PRKDC: variants seen among roughly 807,000 people sequenced by gnomAD.
PRKDC encodes the protein DNA-dependent protein kinase catalytic subunit.
PRKDC carries 82 observed loss-of-function variants against 486.9 expected under a neutral mutation model. The observed-to-expected ratio is 0.17, with a 90% CI of 0.14 to 0.20. PRKDC has a LOEUF of 0.20. Among genes scored for constraint, PRKDC ranks in the 10% least tolerant of loss-of-function variants. The pLI is 1.00. For missense variants in PRKDC, 4,504 were observed against 5,038.2 expected, an observed-to-expected ratio of 0.89 and a Z score of 3.21; for synonymous variants, 1,895 against 1,837.0, an observed-to-expected ratio of 1.03 and a Z score of -0.81.
chr8:47,794,250 T>C (rs2086938605), intron 74 of PRKDC, 40 bp downstream of exon 74: 3 of 1,507,720 alleles, frequency 2.0e-6, no homozygotes, highest in African/African-American at 2.8e-5. Context: ...TTATAACCTA[T>C]AGTATTTGAT....
chr8:47,933,442 C>A (rs2154503677), intron 15 of PRKDC, among the ~76,000 whole-genome samples: 1 of 152,270 alleles, frequency 6.6e-6, no homozygotes, highest in East Asian at 1.9e-4. Context: ...AAGATTTAGG[C>A]CAATCCTTGT....
chr8:47,778,446 ACAG>A lies in PRKDC; in HGVS notation c.11853+10_11853+12del. Reference sequence around the variant, plus strand: ...TCGCCTTGCCCAGGATCACGAGAGCACAGCAAGTGCACCTGTGTAGCGGATCCA... The same window carrying A: ...TCGCCTTGCCCAGGATCACGAGAGCACAAGTGCACCTGTGTAGCGGATCCA... On this transcript the variant is annotated intron_variant, in intron 83 of 85. Transcript: ENST00000314191. 6.2e-7 allele frequency: 1 copy of A among 1,609,624 alleles called. No individual in the cohort carries two copies. The highest frequency in any genetic ancestry group is 8.5e-7 in the Non-Finnish European group (1 of 1,178,100).
rs756747218 is a variant in PRKDC at position 47,913,918 on chromosome 8, T to C, written c.2764A>G (p.Ser922Gly). Residue 922 changes from serine (S) to glycine (G), a missense_variant, in exon 24 of 86, where the codon AGT (serine) becomes GGT (glycine). Ser to Gly is a moderately conservative substitution (Grantham distance 56). Around this residue, in one of 6 missense-constraint regions of PRKDC, gnomAD observed 1,969 missense variants for 2,068.9 expected, o/e 0.95. Transcript: ENST00000314191. ...AGAAGTACTTTAGTTTGTCTGTCAC[T>C]GGCTGTGAGCGCTAATTCTGTGACT... The part of the protein sequence containing the change: ...PRVTELALTA[S>G]DRQTKVAACE... 1.2e-6 allele frequency: 2 copies of C among 1,607,184 alleles called. No homozygotes were observed. The highest frequency in any genetic ancestry group is 8.5e-7 in the Non-Finnish European group (1 of 1,177,328).
At chr8:47,843,186 A>G (rs1355104272) in intron 54 of PRKDC, among the ~76,000 whole-genome samples, 2 of 152,162 alleles carry the variant, frequency 1.3e-5, no homozygotes, top group Non-Finnish European at 2.9e-5. Flanking sequence ...ACAAAGGAAA[A>G]GAAAAGAAAA....
At position 47,933,082 on chromosome 8, in the gene PRKDC, C is replaced by T. The variant is rs1184535587; in HGVS notation, c.1714G>A (p.Val572Ile). 9 of 1,590,548 alleles carry T rather than the reference C, an allele frequency of 5.7e-6. No homozygotes were observed. The highest frequency in any genetic ancestry group is 2.3e-5 in the South Asian group (2 of 85,488). Residue 572 changes from valine to isoleucine, a missense_variant, in exon 16 of 86, where the codon GTT becomes ATT. Around this residue, in one of 6 missense-constraint regions of PRKDC, gnomAD observed 1,969 missense variants for 2,068.9 expected, o/e 0.95. Coordinates refer to ENST00000314191, the MANE Select transcript of PRKDC (RefSeq NM_006904.7). ...HLLYDEFVKS[V>I]LKIVEKLDLT... is the part of the protein sequence containing the mutation. The stretch of plus-strand genomic sequence containing the variant: ...TCCAATTTCTCAACAATCTTCAAAA[C>T]GGATTTTACAAATTCATCATAAAGT...
At chr8:47,807,627 C>G (rs1446001228) in intron 68 of PRKDC, among the ~76,000 whole-genome samples, 1 of 151,428 alleles carries the variant, frequency 6.6e-6, no homozygotes, top group East Asian at 1.9e-4. Context: ...ACTGTGTTAG[C>G]CAGGATGGTC....
intron 31 of PRKDC, 90 bp downstream of exon 31, chr8:47,893,049 C>G: frequency 7.0e-7 from 1 of 1,425,654 alleles, no homozygotes; most frequent in Non-Finnish European, 9.3e-7. Context: ...CACCTACCAT[C>G]ATGTCGCTGG....
At chr8:47,793,683 T>TAAAAA (rs397892514) in intron 74 of PRKDC, among the ~76,000 whole-genome samples, 14 of 72,806 alleles carry the variant, frequency 1.9e-4, no homozygotes, top group Non-Finnish European at 3.2e-4. Flanking sequence ...TTAAAAAAAC[T>TAAAAA]AAAAAAAAAA....
Position 47,826,676 on chromosome 8 carries a change from G to C in PRKDC, c.8763C>G (p.Leu2921=), listed in dbSNP as rs1281176416. The change falls in exon 63 of 86, where the codon CTC becomes CTG. Residue 2921 remains leucine, a synonymous_variant. Transcript: ENST00000314191. ...CTTACTTAGCAAGCTCCACCCATCTGAGGACATCAGGAGGGAGGCGGGCCT... is the reference window on the plus strand; with the variant it reads ...CTTACTTAGCAAGCTCCACCCATCTCAGGACATCAGGAGGGAGGCGGGCCT... ...RGKARLPPDV[L]RWVELAKLYR... The C allele has an allele frequency of 6.2e-7, 1 of 1,612,306 alleles. No individual in the cohort carries two copies. Among genetic ancestry groups the C allele is most frequent in the African/African-American group, 1.3e-5 (1 of 74,896 alleles).
chr8:47,884,258 G>T (rs1237511079), intron 36 of PRKDC, among the ~76,000 whole-genome samples: 4 of 152,218 alleles, frequency 2.6e-5, no homozygotes, highest in Non-Finnish European at 4.4e-5. Flanking sequence ...AGGCTGCCCT[G>T]CAGGGGAGAG....
chr8:47,922,533 T>G (rs1288722675), intron 21 of PRKDC, among the ~76,000 whole-genome samples: 1 of 151,668 alleles, frequency 6.6e-6, no homozygotes, highest in Non-Finnish European at 1.5e-5. Context: ...CTCGAACTCC[T>G]GGCCTTAAGT....
intron 25 of PRKDC, among the ~76,000 whole-genome samples, chr8:47,907,551 T>C (rs2154502611): frequency 6.8e-6 from 1 of 147,992 alleles, no homozygotes; most frequent in African/African-American, 2.5e-5. Context: ...TTTTTTTTTT[T>C]TGAGACAGAG....
At position 47,864,665 on chromosome 8, in the gene PRKDC, T is replaced by C; in HGVS notation, c.5462A>G (p.Asp1821Gly). The C allele has an allele frequency of 6.2e-7, 1 of 1,608,744 alleles. No individual in the cohort carries two copies. Among genetic ancestry groups the C allele is most frequent in the Non-Finnish European group, 8.5e-7 (1 of 1,177,622 alleles). ...CCACAGCAGAGTGAGGAGGGAGCGG[T>C]CCACAAAGGACTGGCGTGTGAAACT... ...RLSFTRQSFV[D>G]RSLLTLLWHC... is the part of the protein sequence containing the mutation. Residue 1821 changes from aspartate (D) to glycine (G), a missense_variant, in exon 41 of 86, where the codon GAC becomes GGC. Around this residue, in one of 6 missense-constraint regions of PRKDC, gnomAD observed 1,969 missense variants for 2,068.9 expected, o/e 0.95. Transcript: ENST00000314191.
At chr8:47,907,411 TACACACACAC>T (rs746467406) in intron 25 of PRKDC, among the ~76,000 whole-genome samples, 11 of 148,938 alleles carry the variant, frequency 7.4e-5, no homozygotes, top group South Asian at 6.4e-4. Context: ...TATATATATA[TACACACACAC>T]ACACACACAC....
intron 41 of PRKDC, 119 bp downstream of exon 41, chr8:47,864,437 C>T (rs532881230): frequency 4.4e-5 from 39 of 879,620 alleles, no homozygotes; most frequent in Non-Finnish European, 6.7e-5. Flanking sequence ...TAGCCACAGA[C>T]TGTTATGTGG....
At chr8:47,831,595 C>T (rs1371492513) in intron 60 of PRKDC, among the ~76,000 whole-genome samples, 1 of 152,078 alleles carries the variant, frequency 6.6e-6, no homozygotes, top group Admixed American at 6.5e-5. Flanking sequence ...GCCACACTTC[C>T]ACCCGCGGAG....
At chr8:47,836,187 C>T (rs1014008530) in intron 58 of PRKDC, 151 bp downstream of exon 58, 1 of 779,492 alleles carries the variant, frequency 1.3e-6, no homozygotes, top group Non-Finnish European at 1.8e-6. Flanking sequence ...TTATAGGAAC[C>T]CCCTCTTTTG....
At chr8:47,838,430 A>G (rs1474180160) in intron 56 of PRKDC, among the ~76,000 whole-genome samples, 1 of 152,150 alleles carries the variant, frequency 6.6e-6, no homozygotes, top group Non-Finnish European at 1.5e-5. Flanking sequence ...TGGGTAACAT[A>G]GCAAGACCCT....
chr8:47,855,151 AATC>A, intron 50 of PRKDC, 68 bp downstream of exon 50: 1 of 1,329,832 alleles, frequency 7.5e-7, no homozygotes, highest in Non-Finnish European at 1.0e-6. Context: ...ATTTCACTGT[AATC>A]ATCATTTACG....
Sources: gnomAD v4.1 joint callset for allele counts (sites outside exome capture counted in the v4.1 genomes callset) on GRCh38, gnomAD v4.1.1 for gene constraint, gnomAD v4.1.1 regional missense constraint, MANE v1.5 for transcripts, NCBI Gene and HGNC (gene_info 2026-07-23, HGNC 2026-07-21) for gene names.